Variants in RORA observed in about 807,000 individuals in gnomAD.
The protein encoded by RORA is nuclear receptor ROR-alpha.
A neutral mutation model predicts 69.5 loss-of-function variants in RORA; 7 were observed. The ratio of observed to expected loss-of-function variants is 0.10; its 90% CI spans 0.06 to 0.19. The LOEUF (loss-of-function observed/expected upper bound fraction) is 0.19, where lower values mean the gene tolerates loss of function less well. Among genes scored for constraint, RORA ranks in the 10% least tolerant of loss-of-function variants. The pLI is 1.00. For synonymous variants in RORA, 261 were observed against 240.8 expected (o/e 1.08, Z -0.78); for missense variants, 457 against 663.0 (o/e 0.69, Z 3.41).
chr15:61,225,433 A>G (rs931124196), intron 1 of RORA, among the ~76,000 whole-genome samples: 2 of 152,188 alleles, frequency 1.3e-5, no homozygotes, highest in Non-Finnish European at 2.9e-5. Flanking sequence ...GAGGCCACGC[A>G]CTTTCAAAGT....
chr15:61,176,185 C>T (rs971437433), intron 1 of RORA: 33 of 152,190 alleles, frequency 2.2e-4, no homozygotes, highest in African/African-American at 8.0e-4. Context: ...AATGCTGCCC[C>T]ACACACCACA....
intron 1 of RORA, among the ~76,000 whole-genome samples, chr15:61,062,101 A>G (rs1265364755): frequency 1.3e-5 from 2 of 152,148 alleles, no homozygotes; most frequent in Non-Finnish European, 2.9e-5. Context: ...TACTATAGGT[A>G]AAGACAGTAC....
chr15:60,814,471 G>A (rs2072783023), intron 1 of RORA, among the ~76,000 whole-genome samples: 1 of 152,118 alleles, frequency 6.6e-6, no homozygotes, highest in African/African-American at 2.4e-5. Context: ...TTCCTAATAT[G>A]AGTTAAATAT....
chr15:61,005,245 C>T (rs66875804), intron 1 of RORA, among the ~76,000 whole-genome samples: 21,296 of 152,024 alleles, frequency 0.14, 1,624 homozygotes, highest in South Asian at 0.27. Context: ...TTTGGGAGGC[C>T]GAGGCAGGCT....
intron 1 of RORA, among the ~76,000 whole-genome samples, chr15:61,106,615 T>C (rs2078951239): frequency 6.6e-6 from 1 of 152,132 alleles, no homozygotes; most frequent in Non-Finnish European, 1.5e-5. Flanking sequence ...CCTCCTCCCA[T>C]CTATACTTCT....
intron 1 of RORA, among the ~76,000 whole-genome samples, chr15:61,182,633 A>G (rs2079698029): frequency 1.3e-5 from 2 of 152,222 alleles, no homozygotes; most frequent in African/African-American, 2.4e-5. Context: ...TTTAAGGAGA[A>G]GTAGAATATT....
intron 2 of RORA, among the ~76,000 whole-genome samples, chr15:60,673,099 C>T (rs141008058): frequency 1.5e-3 from 227 of 152,280 alleles, no homozygotes; most frequent in South Asian, 4.6e-3. Flanking sequence ...CCCTTTGGAA[C>T]GTATGTTATG....
intron 8 of RORA, among the ~76,000 whole-genome samples, chr15:60,502,485 A>C (rs1243075626): frequency 6.6e-6 from 1 of 152,118 alleles, no homozygotes; most frequent in Non-Finnish European, 1.5e-5. Flanking sequence ...GGTTTCTTAA[A>C]ATCTGGAAGG....
chr15:61,071,693 G>A, intron 1 of RORA, among the ~76,000 whole-genome samples: 2 of 137,174 alleles, frequency 1.5e-5, no homozygotes, highest in African/African-American at 2.8e-5. Context: ...AGAGGGGAGG[G>A]GAAGAGAGGA....
chr15:60,731,775 AGTTT>A (rs1222873002), intron 1 of RORA, among the ~76,000 whole-genome samples: 1 of 152,232 alleles, frequency 6.6e-6, no homozygotes, highest in East Asian at 1.9e-4. Flanking sequence ...AATGAAATAC[AGTTT>A]GTTATTCAGT....
intron 1 of RORA, among the ~76,000 whole-genome samples, chr15:61,173,464 G>A (rs1180276096): frequency 6.6e-6 from 1 of 152,138 alleles, no homozygotes; most frequent in Admixed American, 6.5e-5. Context: ...ATAGTTTCAG[G>A]CAACCCATTC....
chr15:60,823,115 TCTC>T (rs2072914624), intron 1 of RORA, among the ~76,000 whole-genome samples: 4 of 1,916 alleles, frequency 2.1e-3, no homozygotes, highest in African/African-American at 2.8e-3. Flanking sequence ...TCTCTTTCTC[TCTC>T]TCTCTCTCTC....
At chr15:61,119,480 T>A (rs1442860969) in intron 1 of RORA, among the ~76,000 whole-genome samples, 2 of 151,780 alleles carry the variant, frequency 1.3e-5, no homozygotes, top group African/African-American at 2.4e-5. Context: ...ATACATTTTA[T>A]TTTTTCCCCC....
At chr15:61,092,797 A>G (rs2078727267) in intron 1 of RORA, among the ~76,000 whole-genome samples, 1 of 152,226 alleles carries the variant, frequency 6.6e-6, no homozygotes, top group Non-Finnish European at 1.5e-5. Flanking sequence ...TCCTAACCAC[A>G]GTCAAAACCT....
chr15:60,516,003 ATATATATTTATATATATT>A (rs1567051293), intron 3 of RORA, among the ~76,000 whole-genome samples: 43 of 2,880 alleles, frequency 0.015, 1 homozygote, highest in East Asian at 0.062. Context: ...ATATATATTT[ATATATATTTATATATATT>A]TATATATTTA....
At chr15:61,003,696 A>G (rs546706549) in intron 1 of RORA, among the ~76,000 whole-genome samples, 1 of 152,348 alleles carries the variant, frequency 6.6e-6, no homozygotes, top group South Asian at 2.1e-4. Context: ...ACAAAATGCA[A>G]AACAAAAAGC....
intron 1 of RORA, among the ~76,000 whole-genome samples, chr15:60,933,537 C>T (rs1287865501): frequency 6.6e-6 from 1 of 152,152 alleles, no homozygotes; most frequent in Non-Finnish European, 1.5e-5. Flanking sequence ...TTGGTACCTT[C>T]CTATTGACAT....
intron 1 of RORA, among the ~76,000 whole-genome samples, chr15:60,730,468 T>A (rs1245919002): frequency 6.6e-6 from 1 of 152,244 alleles, no homozygotes; most frequent in Admixed American, 6.5e-5. Context: ...ACATGCTGGC[T>A]GGAAAAATCT....
intron 1 of RORA, among the ~76,000 whole-genome samples, chr15:60,960,724 C>A (rs1443892059): frequency 1.3e-5 from 2 of 151,918 alleles, no homozygotes; most frequent in Non-Finnish European, 2.9e-5. Context: ...CTTCTACGGG[C>A]CTCCAAAGGC....
Sources: allele counts gnomAD v4.1 joint callset (sites outside exome capture counted in the v4.1 genomes callset), GRCh38; gene constraint gnomAD v4.1.1; transcripts MANE v1.5; gene names NCBI Gene and HGNC (gene_info 2026-07-23, HGNC 2026-07-21).